The following LHFPL1 variants were observed in gnomAD, a reference collection of about 807,000 sequenced individuals.
The protein encoded by LHFPL1 is LHFPL tetraspan subfamily member 1, also known as LHFPL tetraspan subfamily member 1 protein.
A neutral mutation model predicts 12.1 loss-of-function variants in LHFPL1; 4 were observed. That is an observed-to-expected ratio of 0.33 (90% CI 0.16 to 0.76). The LOEUF is 0.76. Ranked by LOEUF, LHFPL1 falls within the 30% of genes least tolerant of loss-of-function variation. LHFPL1 has a pLI of 0.61. For synonymous variants in LHFPL1, 52 were observed against 61.9 expected (o/e 0.84, Z 0.75); for missense variants, 141 against 174.1 (o/e 0.81, Z 1.07).
intron 3 of LHFPL1, among the ~76,000 whole-genome samples, chrX:112,636,551 A>C (rs986325635): frequency 1.8e-5 from 2 of 111,884 alleles, no homozygotes; most frequent in African/African-American, 6.5e-5. Context: ...CCTGGGAAGC[A>C]GACTGGGACT....
Position 112,635,483 on chromosome X carries a change from G to A in LHFPL1, c.482-3882C>T, listed in dbSNP as rs1007854453. Reference sequence around the variant, plus strand: ...CAAATTACTACAGTCCAAGTCTTGCGAGAATATACAATGCCTTCGGCCAAT... The same window carrying A: ...CAAATTACTACAGTCCAAGTCTTGCAAGAATATACAATGCCTTCGGCCAAT... On this transcript the variant is annotated intron_variant, in intron 3 of 3. Transcript: ENST00000371968. Among the ~76,000 whole-genome samples the A allele has an allele frequency of 1.1e-4, 12 of 112,520 alleles. No homozygotes were observed. In the South Asian group the frequency reaches 4.4e-3, roughly 41 times the overall value.
At chrX:112,647,550 C>T (rs778764695) in intron 3 of LHFPL1, among the ~76,000 whole-genome samples, 16 of 111,999 alleles carry the variant, frequency 1.4e-4, no homozygotes, top group East Asian at 5.6e-4. Flanking sequence ...GACATTTATG[C>T]GGCAAACAAA....
rs1355960740 is a variant in LHFPL1, at chrX:112,669,872, C to G, written c.382+1137G>C. ...TGCAAAAGTAGTCCCCATTGAGACC[C>G]ACTGTCTTAGCTCATCACTGCCATC... On this transcript the variant is annotated intron_variant, in intron 2 of 3. Coordinates refer to ENST00000371968, the MANE Select transcript of LHFPL1 (RefSeq NM_178175.4). Among the ~76,000 whole-genome samples, 43 of 111,673 alleles carry G rather than the reference C, an allele frequency of 3.9e-4. No individual in the cohort carries two copies. In the Admixed American group the frequency reaches 4.1e-3, roughly 11 times the overall value.
chrX:112,639,242 G>A (rs1196395401), intron 3 of LHFPL1, among the ~76,000 whole-genome samples: 1 of 104,826 alleles, frequency 9.5e-6, no homozygotes, highest in Non-Finnish European at 1.9e-5. Context: ...AGCTGGGCGT[G>A]AGTGTCAACA....
intron 3 of LHFPL1, among the ~76,000 whole-genome samples, chrX:112,636,295 C>A (rs891694939): frequency 9.0e-6 from 1 of 111,306 alleles, no homozygotes; most frequent in Admixed American, 9.5e-5. Context: ...AGGATATAGA[C>A]AGAGAGAGTT....
intron 1 of LHFPL1, among the ~76,000 whole-genome samples, chrX:112,676,052 C>T (rs1041982055): frequency 1.8e-5 from 2 of 111,786 alleles, no homozygotes; most frequent in African/African-American, 3.3e-5. Context: ...GGCTGCAGGG[C>T]ACATGGAGTC....
intron 3 of LHFPL1, among the ~76,000 whole-genome samples, chrX:112,658,720 A>G (rs1165479711): frequency 3.6e-5 from 4 of 111,778 alleles, no homozygotes; most frequent in African/African-American, 1.3e-4. Context: ...AAAGCCTGGC[A>G]GTTCCTCAAA....
At chrX:112,672,022 G>A (rs1008355591) in intron 1 of LHFPL1, among the ~76,000 whole-genome samples, 2 of 111,638 alleles carry the variant, frequency 1.8e-5, no homozygotes, top group African/African-American at 6.5e-5. Context: ...CTTTTCAACT[G>A]GGATGCATCA....
chrX:112,665,899 T>TA (rs1462422170), intron 2 of LHFPL1, among the ~76,000 whole-genome samples: 1 of 111,788 alleles, frequency 8.9e-6, no homozygotes, highest in East Asian at 2.8e-4. Flanking sequence ...TTCCCAGCAT[T>TA]ACTAATTGCC....
chrX:112,641,354 C>G lies in LHFPL1; in HGVS notation c.482-9753G>C, dbSNP rs186119134. Among the ~76,000 whole-genome samples, 31 of 112,077 alleles carry G rather than the reference C, an allele frequency of 2.8e-4. 1 individual carries two copies. In the East Asian group the frequency reaches 8.7e-3, roughly 32 times the overall value. On this transcript the variant is annotated intron_variant, in intron 3 of 3. Transcript: ENST00000371968. ...CAGGAATTATTATAGAGGAAAGAAT[C>G]GAACAGCCAGATAAAGTGTCTGACC...
chrX:112,661,206 C>T (rs1043311731), intron 2 of LHFPL1, among the ~76,000 whole-genome samples: 3 of 111,351 alleles, frequency 2.7e-5, no homozygotes, highest in African/African-American at 9.8e-5. Flanking sequence ...GGGAACCACA[C>T]TCCTCCCCCG....
chrX:112,674,100 G>A (rs181305465), intron 1 of LHFPL1, among the ~76,000 whole-genome samples: 163 of 111,675 alleles, frequency 1.5e-3, no homozygotes, highest in African/African-American at 4.6e-3. Context: ...AAAAATAGGC[G>A]CATAGACCAA....
intron 3 of LHFPL1, among the ~76,000 whole-genome samples, chrX:112,640,668 C>G (rs1930476457): frequency 1.8e-5 from 2 of 111,730 alleles, no homozygotes. Context: ...TTTCAGTAAC[C>G]TAGATGAGAA....
intron 1 of LHFPL1, among the ~76,000 whole-genome samples, chrX:112,677,481 T>C (rs1931683210): frequency 9.0e-6 from 1 of 110,728 alleles, no homozygotes. Flanking sequence ...CTGTTACAAA[T>C]ACATCTTACT....
intron 3 of LHFPL1, among the ~76,000 whole-genome samples, chrX:112,642,988 T>C (rs1930562051): frequency 9.2e-6 from 1 of 108,548 alleles, no homozygotes; most frequent in Non-Finnish European, 1.9e-5. Context: ...TTTATCTGCA[T>C]GTTGTCATGT....
chrX:112,641,500 TC>T (rs1930506917), intron 3 of LHFPL1, among the ~76,000 whole-genome samples: 1 of 111,643 alleles, frequency 9.0e-6, no homozygotes, highest in African/African-American at 3.3e-5. Context: ...AGAAATCACG[TC>T]CTTTCACAAA....
chrX:112,654,556 T>C (rs1480411745), intron 3 of LHFPL1, among the ~76,000 whole-genome samples: 1 of 110,348 alleles, frequency 9.1e-6, no homozygotes. Flanking sequence ...AAAAATATTT[T>C]ATATTTATTA....
intron 3 of LHFPL1, among the ~76,000 whole-genome samples, chrX:112,650,851 A>G (rs1457906598): frequency 8.9e-6 from 1 of 112,340 alleles, no homozygotes; most frequent in East Asian, 2.8e-4. Context: ...TTAATTGTTC[A>G]ACAACATGTG....
Position 112,676,733 on chromosome X carries a change from G to C in LHFPL1, c.-15+3096C>G, listed in dbSNP as rs961100761. ...AATGGTTATCTCCATTACTTTTAAA[G>C]AACTCTAGGAAAGGGAAATCTATAA... is the stretch of plus-strand genomic sequence containing the variant. On this transcript the variant is annotated intron_variant, in intron 1 of 3. Coordinates refer to ENST00000371968, the MANE Select transcript of LHFPL1 (RefSeq NM_178175.4). Among the ~76,000 whole-genome samples the C allele has an allele frequency of 3.2e-4, 36 of 111,994 alleles. 1 individual carries two copies. The highest frequency in any genetic ancestry group is 1.0e-3 in the African/African-American group (32 of 30,812).
Sources: gnomAD v4.1 joint callset for allele counts (sites outside exome capture counted in the v4.1 genomes callset) on GRCh38, gnomAD v4.1.1 for gene constraint, MANE v1.5 for transcripts, NCBI Gene and HGNC (gene_info 2026-07-23, HGNC 2026-07-21) for gene names.